The following DERA variants were observed in gnomAD, a reference collection of about 807,000 sequenced individuals.
The protein encoded by DERA is 2-deoxy-D-ribose 5-phosphate aldolase.
A neutral mutation model predicts 41.1 loss-of-function variants in DERA; 15 were observed. That is an observed-to-expected ratio of 0.37 (90% CI 0.24 to 0.56). The LOEUF is 0.56. DERA is among the 20% of genes least tolerant of loss of function. The pLI is 0.81. For missense variants in DERA, 396 were observed against 403.4 expected (o/e 0.98, Z 0.16); for synonymous variants, 139 against 137.4 (o/e 1.01, Z -0.08).
At chr12:16,027,694 G>C (rs1324012842) in intron 6 of DERA, among the ~76,000 whole-genome samples, 2 of 152,198 alleles carry the variant, frequency 1.3e-5, no homozygotes, top group African/African-American at 4.8e-5. Flanking sequence ...CTGGCCTCCA[G>C]AATGGTGAGA....
In DERA at chr12:15,926,475, G is replaced by A. The variant is rs564638453; in HGVS notation, c.31+15061G>A. On this transcript the variant is annotated intron_variant, in intron 1 of 8. Coordinates refer to ENST00000428559, the MANE Select transcript of DERA (RefSeq NM_015954.4). The stretch of plus-strand genomic sequence containing the variant: ...GAATTGGCCGGGCGCGGTGGCTCAC[G>A]CCTGTAATCCCAGCACTTTGGGAGG... Among the ~76,000 whole-genome samples, 20 of 152,224 alleles carry A rather than the reference G, an allele frequency of 1.3e-4. No homozygotes were observed. In the East Asian group the frequency reaches 3.9e-3, roughly 30 times the overall value.
intron 5 of DERA, among the ~76,000 whole-genome samples, chr12:15,980,119 A>G (rs956813354): frequency 6.6e-6 from 1 of 152,244 alleles, no homozygotes; most frequent in African/African-American, 2.4e-5. Flanking sequence ...TCATTTTACT[A>G]GAATTCTGAA....
intron 7 of DERA, 65 bp downstream of exon 7, chr12:16,032,719 G>A: frequency 1.0e-6 from 1 of 983,610 alleles, no homozygotes; most frequent in Non-Finnish European, 1.6e-6. Flanking sequence ...ACTAGTTACA[G>A]CCACAATAAC....
rs139343788 is a variant in DERA at position 16,036,706 on chromosome 12, C to T, written c.917C>T (p.Thr306Ile). Residue 306 changes from threonine to isoleucine, a missense_variant, in exon 9 of 9, where the codon ACT becomes ATT. Transcript: ENST00000428559. The surrounding 1 kb of genome is among the most constrained non-coding windows in gnomAD (Gnocchi z 4.9). ...TCCTCACAGATTTACCATCATGTGA[C>T]TGGAAGATATGCAGCTTATCATGAT... ...DIERQIYHHV[T>I]GRYAAYHDLP... 9 of 1,604,214 alleles carry T rather than the reference C, an allele frequency of 5.6e-6. No homozygotes were observed. In the East Asian group the frequency reaches 1.6e-4, roughly 28 times the overall value.
rs989124328 is a variant in DERA, at chr12:15,967,728, C to T, written c.508+4781C>T. On this transcript the variant is annotated intron_variant, in intron 5 of 8. Transcript: ENST00000428559. The surrounding 1 kb of genome is among the most constrained non-coding windows in gnomAD (Gnocchi z 4.9). ...CTGTCAGATCATGTTGAGCTCGTGA[C>T]GGCACACTGTCCTTCCCTGCCAATC... 1.3e-5 allele frequency among the ~76,000 whole-genome samples: 2 copies of T among 152,264 alleles called. No homozygotes were observed. Among genetic ancestry groups the T allele is most frequent in the East Asian group, 1.9e-4 (1 of 5,180 alleles).
Position 16,021,481 on chromosome 12 carries a change from A to G in DERA, c.638-11061A>G, listed in dbSNP as rs934595112. On this transcript the variant is annotated intron_variant, in intron 6 of 8. Transcript: ENST00000428559. The surrounding 1 kb of genome is among the most constrained non-coding windows in gnomAD (Gnocchi z 5.3). Reference sequence around the variant, plus strand: ...GTACCCAGGCAGGGATTCTCTACTAAGGCAGTGCTGAAGGGAAATGTAGGG... The same window carrying G: ...GTACCCAGGCAGGGATTCTCTACTAGGGCAGTGCTGAAGGGAAATGTAGGG... 1.3e-5 allele frequency among the ~76,000 whole-genome samples: 2 copies of G among 152,222 alleles called. No homozygotes were observed. The highest frequency in any genetic ancestry group is 4.8e-5 in the African/African-American group (2 of 41,462).
At chr12:15,916,252 C>T (rs933359381) in intron 1 of DERA, 1 of 152,136 alleles carries the variant, frequency 6.6e-6, no homozygotes, top group Admixed American at 6.6e-5. Flanking sequence ...TCAGGAACTG[C>T]TTCATGTGGA....
rs1183176380 is a variant in DERA at position 16,008,379 on chromosome 12, T to A, written c.638-24163T>A. Among the ~76,000 whole-genome samples the A allele has an allele frequency of 6.6e-6, 1 of 152,212 alleles. No homozygotes were observed. Among genetic ancestry groups the A allele is most frequent in the East Asian group, 1.9e-4 (1 of 5,202 alleles). On this transcript the variant is annotated intron_variant, in intron 6 of 8. Transcript: ENST00000428559. This position sits in a 1 kb window ranked among gnomAD's most constrained non-coding sequence, Gnocchi z 4.8. ...TTATTCAGTTGGACTCTGACTCCTG[T>A]CTGATTTGCCAGTGTAGATGGGGTG...
chr12:15,958,404 CTT>C (rs1172829270), intron 3 of DERA, 69 bp downstream of exon 3: 1 of 1,275,572 alleles, frequency 7.8e-7, no homozygotes, highest in Non-Finnish European at 1.0e-6. Context: ...TCAAAGACGA[CTT>C]AAGATACAGC....
In DERA at chr12:15,993,621, G is replaced by T. The variant is rs900522568; in HGVS notation, c.637+11185G>T. On this transcript the variant is annotated intron_variant, in intron 6 of 8. Transcript: ENST00000428559. This position sits in a 1 kb window ranked among gnomAD's most constrained non-coding sequence, Gnocchi z 4.4. The stretch of plus-strand genomic sequence containing the variant: ...GTTTGTATTGGGTTAAGAGATAAAA[G>T]ATTTAAAGTGTACATTTATTTACAG... Among the ~76,000 whole-genome samples the T allele has an allele frequency of 2.6e-5, 4 of 152,000 alleles. No homozygotes were observed. The highest frequency in any genetic ancestry group is 9.7e-5 in the African/African-American group (4 of 41,374).
Position 16,011,370 on chromosome 12 carries a change from C to T in DERA, c.638-21172C>T, listed in dbSNP as rs777095119. On this transcript the variant is annotated intron_variant, in intron 6 of 8. Transcript: ENST00000428559. The surrounding 1 kb of genome is among the most constrained non-coding windows in gnomAD (Gnocchi z 4.7). The stretch of plus-strand genomic sequence containing the variant: ...TTGGATTTTGGATTTTTTCAGATTT[C>T]GGAATATTTGCATATGCTTACCCTA... 2.4e-4 allele frequency among the ~76,000 whole-genome samples: 37 copies of T among 152,086 alleles called. No individual in the cohort carries two copies. Among genetic ancestry groups the T allele is most frequent in the Non-Finnish European group, 4.6e-4 (31 of 68,010 alleles).
chr12:15,956,772 C>T, intron 1 of DERA, 164 bp from the exon 2 acceptor site: 1 of 715,020 alleles, frequency 1.4e-6, no homozygotes. Context: ...ACTGGTCTTC[C>T]ATCAATAAGG....
Position 16,036,788 on chromosome 12 carries a change from A to G in DERA, c.*42A>G, listed in dbSNP as rs1366826224. 1 of 1,439,118 alleles carries G rather than the reference A, an allele frequency of 6.9e-7. No individual in the cohort carries two copies. Among genetic ancestry groups the G allele is most frequent in the Admixed American group, 2.1e-5 (1 of 46,782 alleles). 89.1% of individuals were successfully genotyped at this position (1,439,118 alleles called of 1,614,324 possible). A position where few individuals can be genotyped will look rare whatever the true frequency, so the allele number is the denominator to read the frequency against. On this transcript the variant is annotated 3_prime_UTR_variant, in exon 9 of 9. Coordinates refer to ENST00000428559, the MANE Select transcript of DERA (RefSeq NM_015954.4). This position sits in a 1 kb window ranked among gnomAD's most constrained non-coding sequence, Gnocchi z 4.9. ...AGAAAAGTTCTTTACGACAATGTTT[A>G]AAAATTATTTTTCTACGTAATTGCT...
chr12:15,949,457 TAGCAATGAGCA>T (rs142500455), intron 1 of DERA, among the ~76,000 whole-genome samples: 15 of 146,960 alleles, frequency 1.0e-4, no homozygotes, highest in Non-Finnish European at 2.3e-4. Context: ...ACTGCTGTGC[TAGCAATGAGCA>T]AGGCTCCGTG....
Position 16,013,305 on chromosome 12 carries a change from T to C in DERA, c.638-19237T>C, listed in dbSNP as rs981104752. On this transcript the variant is annotated intron_variant, in intron 6 of 8. Transcript: ENST00000428559. The surrounding 1 kb of genome is among the most constrained non-coding windows in gnomAD (Gnocchi z 5.8). ...ATCCCCACCCAAATGTCATCTTGAA[T>C]TGTAATCCCCATAATCCCCACATGT... 1.3e-5 allele frequency among the ~76,000 whole-genome samples: 2 copies of C among 152,214 alleles called. No individual in the cohort carries two copies. The highest frequency in any genetic ancestry group is 2.4e-5 in the African/African-American group (1 of 41,462).
Position 15,982,738 on chromosome 12 carries a change from CAT to C in DERA, c.637+305_637+306del, listed in dbSNP as rs1948741350. Among the ~76,000 whole-genome samples, 1 of 152,132 alleles carries C rather than the reference CAT, an allele frequency of 6.6e-6. No individual in the cohort carries two copies. The highest frequency in any genetic ancestry group is 1.5e-5 in the Non-Finnish European group (1 of 68,024). On this transcript the variant is annotated intron_variant, in intron 6 of 8. Coordinates refer to ENST00000428559, the MANE Select transcript of DERA (RefSeq NM_015954.4). The surrounding 1 kb of genome is among the most constrained non-coding windows in gnomAD (Gnocchi z 4.0). ...TATTCTTTGATTATTCACTCATCAA[CAT>C]ATGTTAGACAGGAATTTCTTTGACT...
In DERA at chr12:15,924,320, A is replaced by G. The variant is rs1948266554; in HGVS notation, c.31+12906A>G. Among the ~76,000 whole-genome samples the G allele has an allele frequency of 1.3e-5, 2 of 152,130 alleles. No homozygotes were observed. Among genetic ancestry groups the G allele is most frequent in the Non-Finnish European group, 2.9e-5 (2 of 68,018 alleles). ...CGCTATGGTCACAGCTACCTTGGAAACTGAGGCGGGACAAGGTTACAGTGA... is the reference window on the plus strand; with the variant it reads ...CGCTATGGTCACAGCTACCTTGGAAGCTGAGGCGGGACAAGGTTACAGTGA... On this transcript the variant is annotated intron_variant, in intron 1 of 8. Transcript: ENST00000428559. The surrounding 1 kb of genome is among the most constrained non-coding windows in gnomAD (Gnocchi z 5.0).
Position 15,982,290 on chromosome 12 carries a change from A to T in DERA, c.509-18A>T, listed in dbSNP as rs375996108. 6.2e-7 allele frequency: 1 copy of T among 1,603,986 alleles called. No homozygotes were observed. The highest frequency in any genetic ancestry group is 8.5e-7 in the Non-Finnish European group (1 of 1,177,044). On this transcript the variant is annotated intron_variant, in intron 5 of 8. Coordinates refer to ENST00000428559, the MANE Select transcript of DERA (RefSeq NM_015954.4). The surrounding 1 kb of genome is among the most constrained non-coding windows in gnomAD (Gnocchi z 4.0). ...CACTTGCCTGCTTTGTAACTGCCTC[A>T]ATTATTTTCTTCCCCAGCCCTGTAT...
At chr12:15,927,581 T>A (rs1301301015) in intron 1 of DERA, among the ~76,000 whole-genome samples, 3 of 152,198 alleles carry the variant, frequency 2.0e-5, no homozygotes, top group Non-Finnish European at 4.4e-5. Flanking sequence ...ATGAAGTTGT[T>A]AACACCCCAC....
Sources: gnomAD v4.1 joint callset for allele counts (sites outside exome capture counted in the v4.1 genomes callset) on GRCh38, gnomAD v4.1.1 for gene constraint, Gnocchi (gnomAD v3.1) non-coding constraint, MANE v1.5 for transcripts, NCBI Gene and HGNC (gene_info 2026-07-23, HGNC 2026-07-21) for gene names.